The following TBC1D15 variants were observed in gnomAD, a reference collection of about 807,000 sequenced individuals.
TBC1D15 encodes the protein GAP for RAB7.
Under a neutral mutation model 95.4 loss-of-function variants are expected in TBC1D15, and 39 were observed. The observed-to-expected ratio is 0.41, with a 90% CI of 0.32 to 0.53. TBC1D15 has a LOEUF of 0.53. TBC1D15 is among the 20% of genes least tolerant of loss of function. The pLI, the probability that TBC1D15 is intolerant of heterozygous loss-of-function variation, is 0.29. For missense variants in TBC1D15, 733 were observed against 794.3 expected (o/e 0.92, Z 0.93); for synonymous variants, 258 against 261.3 (o/e 0.99, Z 0.12).
At chr12:71,890,891 T>C (rs1897096480) in intron 5 of TBC1D15, among the ~76,000 whole-genome samples, 1 of 152,220 alleles carries the variant, frequency 6.6e-6, no homozygotes, top group South Asian at 2.1e-4. Context: ...TGAAACCAAG[T>C]TGGTTGCTAA....
At position 71,841,437 on chromosome 12, in the gene TBC1D15, C is replaced by T. The variant is rs1884976080; in HGVS notation, c.30+1626C>T. Among the ~76,000 whole-genome samples, 4 of 152,288 alleles carry T rather than the reference C, an allele frequency of 2.6e-5. No homozygotes were observed. In the South Asian group the frequency reaches 8.3e-4, roughly 32 times the overall value. On this transcript the variant is annotated intron_variant, in intron 1 of 16. Coordinates refer to ENST00000485960, the MANE Select transcript of TBC1D15 (RefSeq NM_001146213.3). ...CCATCACTCCACTGAAACTAGTTTTCCATGCCAAAAGCTGCTCCTCTCCCA... is the reference window on the plus strand; with the variant it reads ...CCATCACTCCACTGAAACTAGTTTTTCATGCCAAAAGCTGCTCCTCTCCCA...
At position 71,880,512 on chromosome 12, in the gene TBC1D15, G is replaced by T; in HGVS notation, c.248G>T (p.Arg83Ile). ...VVEWTQAPKE[R>I]GHRGSEHLNS... The stretch of plus-strand genomic sequence containing the variant: ...GAATGGACTCAGGCCCCAAAAGAAA[G>T]AGGTCATCGAGGATCAGAACATCTG... The change falls in exon 4 of 17, where the codon AGA becomes ATA. Residue 83 changes from arginine (R) to isoleucine (I), a missense_variant. Coordinates refer to ENST00000485960, the MANE Select transcript of TBC1D15 (RefSeq NM_001146213.3). The T allele has an allele frequency of 1.2e-6, 2 of 1,611,776 alleles. No individual in the cohort carries two copies. Among genetic ancestry groups the T allele is most frequent in the Non-Finnish European group, 1.7e-6 (2 of 1,178,628 alleles).
chr12:71,915,448 T>TAA (rs1236554792), intron 12 of TBC1D15, among the ~76,000 whole-genome samples: 21,739 of 130,288 alleles, frequency 0.17, 2,273 homozygotes, highest in East Asian at 0.4. Context: ...GTAGATATTC[T>TAA]AAAAAAAAAA....
chr12:71,852,881 C>T (rs892833654), intron 1 of TBC1D15, among the ~76,000 whole-genome samples: 2 of 152,156 alleles, frequency 1.3e-5, no homozygotes, highest in African/African-American at 4.8e-5. Context: ...CCAAACTTTC[C>T]CTCATCTTCC....
intron 1 of TBC1D15, among the ~76,000 whole-genome samples, chr12:71,865,213 G>A (rs954731591): frequency 1.3e-5 from 2 of 152,150 alleles, no homozygotes; most frequent in African/African-American, 4.8e-5. Flanking sequence ...TGCCTGCTCT[G>A]GCTGTGTTGG....
chr12:71,857,396 A>G (rs1299154321), intron 1 of TBC1D15, among the ~76,000 whole-genome samples: 1 of 152,232 alleles, frequency 6.6e-6, no homozygotes, highest in Non-Finnish European at 1.5e-5. Context: ...TGTGACAAAT[A>G]TGCATAGAGA....
chr12:71,847,347 A>G (rs1886547249), intron 1 of TBC1D15, among the ~76,000 whole-genome samples: 1 of 152,000 alleles, frequency 6.6e-6, no homozygotes, highest in South Asian at 2.1e-4. Context: ...ATTCAGGATA[A>G]TTATTTTGAA....
chr12:71,877,360 C>CT (rs767902948), intron 3 of TBC1D15, among the ~76,000 whole-genome samples: 19 of 144,610 alleles, frequency 1.3e-4, no homozygotes, highest in African/African-American at 1.8e-4. Flanking sequence ...AAACTTCTGT[C>CT]TTTTTTTTTT....
intron 1 of TBC1D15, among the ~76,000 whole-genome samples, chr12:71,862,665 T>C (rs981133760): frequency 6.6e-6 from 1 of 152,236 alleles, no homozygotes; most frequent in Non-Finnish European, 1.5e-5. Context: ...GGTGAGGATT[T>C]ATTCCTCTCA....
At chr12:71,896,808 CAA>C in intron 9 of TBC1D15, 28 bp downstream of exon 9, 1 of 1,564,140 alleles carries the variant, frequency 6.4e-7, no homozygotes, top group Non-Finnish European at 8.8e-7. Context: ...GTACATTTAT[CAA>C]AGAGATTCAA....
chr12:71,850,859 C>T lies in TBC1D15; in HGVS notation c.30+11048C>T, dbSNP rs140052014. ...AAAATTAGCCAGGTGTTGTGGCGCG[C>T]GCCTATAGTCCCAACTACTTGGGAG... On this transcript the variant is annotated intron_variant, in intron 1 of 16. Transcript: ENST00000485960. Among the ~76,000 whole-genome samples, 128 of 151,736 alleles carry T rather than the reference C, an allele frequency of 8.4e-4. 1 individual carries two copies. The highest frequency in any genetic ancestry group is 2.9e-3 in the African/African-American group (121 of 41,388).
Position 71,896,032 on chromosome 12 carries a change from G to A in TBC1D15, c.941G>A (p.Arg314Lys), listed in dbSNP as rs530730394. 3 of 1,612,130 alleles carry A rather than the reference G, an allele frequency of 1.9e-6. No homozygotes were observed. In the East Asian group the frequency reaches 6.7e-5, roughly 36 times the overall value. The part of the protein sequence containing the change: ...EWTKNIDSEG[R>K]ILNVDNMKQM... ...ACTAAGAACATTGATTCTGAAGGAA[G>A]AATTTTAAATGTAGATAATATGAAG... Residue 314 changes from arginine to lysine, a missense_variant, in exon 8 of 17, where the codon AGA (arginine) becomes AAA (lysine). Arg to Lys is a conservative substitution (Grantham distance 26, BLOSUM62 2). Coordinates refer to ENST00000485960, the MANE Select transcript of TBC1D15 (RefSeq NM_001146213.3).
chr12:71,853,060 A>G (rs372552271), intron 1 of TBC1D15, among the ~76,000 whole-genome samples: 2 of 152,218 alleles, frequency 1.3e-5, no homozygotes, highest in African/African-American at 4.8e-5. Context: ...CAATTTATAG[A>G]GAAAAGAGGT....
intron 10 of TBC1D15, among the ~76,000 whole-genome samples, chr12:71,902,536 A>G (rs1157121115): frequency 6.6e-6 from 1 of 152,204 alleles, no homozygotes; most frequent in Non-Finnish European, 1.5e-5. Flanking sequence ...ATGCAGAGGT[A>G]TTAAACTGGA....
At chr12:71,905,352 G>T (rs915493737) in intron 10 of TBC1D15, among the ~76,000 whole-genome samples, 3 of 152,062 alleles carry the variant, frequency 2.0e-5, no homozygotes, top group African/African-American at 7.2e-5. Context: ...TTGAGTCGGG[G>T]TCTCACTGTG....
chr12:71,894,095 T>C (rs1272169298), intron 6 of TBC1D15, among the ~76,000 whole-genome samples: 3 of 152,062 alleles, frequency 2.0e-5, no homozygotes, highest in African/African-American at 7.2e-5. Flanking sequence ...GCAAATAGTT[T>C]GGGCTTCAGA....
In TBC1D15 at chr12:71,880,594, A is replaced by G. The variant is rs1175691813; in HGVS notation, c.330A>G (p.Pro110=). 1.1e-5 allele frequency: 18 copies of G among 1,609,132 alleles called. No homozygotes were observed. The highest frequency in any genetic ancestry group is 1.4e-5 in the Non-Finnish European group (17 of 1,177,890). ...MVNTVSFKRK[P]HTNGDAPSHR... is the part of the protein sequence containing the mutation. ...ATACAGTTTCATTTAAAAGGAAACC[A>G]CATACCAATGGAGGTATGAATTAAA... The change falls in exon 4 of 17, where the codon CCA becomes CCG. Residue 110 remains proline, a synonymous_variant. Coordinates refer to ENST00000485960, the MANE Select transcript of TBC1D15 (RefSeq NM_001146213.3).
intron 1 of TBC1D15, among the ~76,000 whole-genome samples, chr12:71,869,415 C>T (rs548688438): frequency 5.3e-5 from 8 of 152,176 alleles, no homozygotes; most frequent in East Asian, 1.9e-4. Context: ...CCCAGCTACT[C>T]GGGAGGCTGA....
intron 3 of TBC1D15, 32 bp from the exon 4 acceptor site, chr12:71,880,437 T>A (rs1484543486): frequency 6.6e-7 from 1 of 1,506,884 alleles, no homozygotes; most frequent in Admixed American, 2.2e-5. Flanking sequence ...TGTTTTAGAC[T>A]TTAAATATTT....
Sources: allele counts gnomAD v4.1 joint callset (sites outside exome capture counted in the v4.1 genomes callset), GRCh38; gene constraint gnomAD v4.1.1; transcripts MANE v1.5; gene names NCBI Gene and HGNC (gene_info 2026-07-23, HGNC 2026-07-21).